Variants in PIK3R4 observed in about 807,000 individuals in gnomAD.
The protein encoded by PIK3R4 is phosphoinositide 3-kinase regulatory subunit 4.
PIK3R4 carries 46 observed loss-of-function variants against 136.5 expected under a neutral mutation model. That is an observed-to-expected ratio of 0.34 (90% CI 0.27 to 0.43). The LOEUF (loss-of-function observed/expected upper bound fraction) is 0.43, where lower values mean the gene tolerates loss of function less well. Ranked by LOEUF, PIK3R4 falls within the 20% of genes least tolerant of loss-of-function variation. The pLI, the probability that PIK3R4 is intolerant of heterozygous loss-of-function variation, is 1.00. For synonymous variants in PIK3R4, 557 were observed against 566.7 expected, an observed-to-expected ratio of 0.98 and a Z score of 0.24; for missense variants, 1,331 against 1,649.5, an observed-to-expected ratio of 0.81 and a Z score of 3.35.
At chr3:130,741,741 C>T (rs1212895517) in intron 2 of PIK3R4, among the ~76,000 whole-genome samples, 1 of 152,178 alleles carries the variant, frequency 6.6e-6, no homozygotes. Flanking sequence ...TCTCTCCCCA[C>T]TAGAATGAAA....
intron 13 of PIK3R4, 122 bp downstream of exon 13, chr3:130,703,601 T>G (rs992906505): frequency 1.5e-6 from 1 of 687,156 alleles, no homozygotes; most frequent in Admixed American, 2.5e-5. Flanking sequence ...GAAGAAGGAT[T>G]TTTGTCCATT....
rs1391305998 is a variant in PIK3R4, at chr3:130,716,607, G to T, written c.2128-8C>A. ...AACAAGTTTTCTTTCAATCTATATT[G>T]GAAAAATAAAAAGGATCAGCCAAAA... On this transcript the variant is annotated splice_region_variant and splice_polypyrimidine_tract_variant and intron_variant, in intron 8 of 19. Coordinates refer to ENST00000356763, the MANE Select transcript of PIK3R4 (RefSeq NM_014602.3). 1.3e-6 allele frequency: 2 copies of T among 1,583,114 alleles called. No homozygotes were observed. The highest frequency in any genetic ancestry group is 1.7e-6 in the Non-Finnish European group (2 of 1,162,174).
intron 2 of PIK3R4, among the ~76,000 whole-genome samples, chr3:130,737,385 AACGGTGGCTCATGCCTGTAATCCCACC>A (rs1340747554): frequency 6.6e-6 from 1 of 152,248 alleles, no homozygotes; most frequent in Admixed American, 6.5e-5. Flanking sequence ...AAAAATATTG[AACGGTGGCTCATGCCTGTAATCCCACC>A]ACTTTGGGAG....
intron 2 of PIK3R4, among the ~76,000 whole-genome samples, chr3:130,737,477 C>T (rs1017372562): frequency 2.6e-5 from 4 of 152,076 alleles, no homozygotes; most frequent in African/African-American, 7.2e-5. Context: ...CTGGCCAACA[C>T]AGTGAAACCC....
In PIK3R4 at chr3:130,708,369, T is replaced by G. The variant is rs1169104553; in HGVS notation, c.2455A>C (p.Ile819Leu). Residue 819 changes from isoleucine to leucine, a missense_variant, in exon 10 of 20, where the codon ATT (isoleucine) becomes CTT (leucine). Ile to Leu is a conservative substitution (Grantham distance 5). Coordinates refer to ENST00000356763, the MANE Select transcript of PIK3R4 (RefSeq NM_014602.3). ...GTTATGCCTAAAGCTGCCAAGTCAATTACACCTTTCTGACTACTATCATGA... is the reference window on the plus strand; with the variant it reads ...GTTATGCCTAAAGCTGCCAAGTCAAGTACACCTTTCTGACTACTATCATGA... The part of the protein sequence containing the change: ...HLHDSSQKGV[I>L]DLAALGITGR... 6.2e-7 allele frequency: 1 copy of G among 1,613,824 alleles called. No individual in the cohort carries two copies.
At chr3:130,701,351 A>T (rs1396221637) in intron 13 of PIK3R4, among the ~76,000 whole-genome samples, 5 of 152,042 alleles carry the variant, frequency 3.3e-5, no homozygotes, top group Non-Finnish European at 1.5e-5. Context: ...CTCTCTGCTA[A>T]AAAGACAAAA....
At chr3:130,681,436 G>C in intron 17 of PIK3R4, 55 bp downstream of exon 17, 1 of 1,122,844 alleles carries the variant, frequency 8.9e-7, no homozygotes, top group Non-Finnish European at 1.4e-6. Flanking sequence ...ATGCCTGAAA[G>C]TACTTAGGAT....
chr3:130,722,767 A>G lies in PIK3R4; in HGVS notation c.1981+647T>C, dbSNP rs540545993. Among the ~76,000 whole-genome samples the G allele has an allele frequency of 7.2e-5, 11 of 152,008 alleles. No homozygotes were observed. In the South Asian group the frequency reaches 2.1e-3, roughly 29 times the overall value. ...CCCACATCATGGTTTTTTTAACAAC[A>G]AAGTCTCGGCCAGGAGCGGTGGCTC... On this transcript the variant is annotated intron_variant, in intron 7 of 19. Coordinates refer to ENST00000356763, the MANE Select transcript of PIK3R4 (RefSeq NM_014602.3).
At position 130,681,534 on chromosome 3, in the gene PIK3R4, A is replaced by T; in HGVS notation, c.3665T>A (p.Phe1222Tyr). Residue 1222 changes from phenylalanine to tyrosine, a missense_variant, in exon 17 of 20, where the codon TTT becomes TAT. Around this residue, in one of 2 missense-constraint regions of PIK3R4, gnomAD observed 1,180 missense variants for 1,407.0 expected, o/e 0.84. Coordinates refer to ENST00000356763, the MANE Select transcript of PIK3R4 (RefSeq NM_014602.3). ...MWDMETGDRRFTLWASSAPPL... is the reference protein window; with the variant it reads ...MWDMETGDRRYTLWASSAPPL... ...TGGTGCACTGCTGGCCCAGAGAGTA[A>T]ATCTTCTGTCACCAGTCTCCATGTC... is the stretch of plus-strand genomic sequence containing the variant. 6.2e-7 allele frequency: 1 copy of T among 1,613,202 alleles called. No homozygotes were observed. Among genetic ancestry groups the T allele is most frequent in the Non-Finnish European group, 8.5e-7 (1 of 1,179,234 alleles).
intron 14 of PIK3R4, 33 bp downstream of exon 14, chr3:130,690,457 T>C (rs1282635836): frequency 2.6e-6 from 4 of 1,552,968 alleles, no homozygotes; most frequent in Non-Finnish European, 3.5e-6. Flanking sequence ...GTGCACTAAA[T>C]ACAATGTTTA....
intron 19 of PIK3R4, 122 bp downstream of exon 19, chr3:130,680,491 A>G: frequency 1.9e-6 from 1 of 524,508 alleles, no homozygotes; most frequent in Non-Finnish European, 3.4e-6. Context: ...ATTCAAGAAA[A>G]AATAAATTTC....
intron 2 of PIK3R4, among the ~76,000 whole-genome samples, chr3:130,738,429 A>T (rs1004419280): frequency 3.3e-5 from 5 of 152,212 alleles, no homozygotes; most frequent in African/African-American, 1.2e-4. Flanking sequence ...GTAGGGAAAA[A>T]CACCAACTGG....
intron 17 of PIK3R4, 82 bp from the exon 18 acceptor site, chr3:130,681,147 A>G: frequency 1.2e-6 from 1 of 827,600 alleles, no homozygotes; most frequent in East Asian, 2.5e-5. Flanking sequence ...AGGCAAGTTA[A>G]CTGTCAGTAG....
chr3:130,700,701 A>G (rs1250010481), intron 13 of PIK3R4, among the ~76,000 whole-genome samples: 1 of 152,244 alleles, frequency 6.6e-6, no homozygotes, highest in Non-Finnish European at 1.5e-5. Flanking sequence ...AGAATGTACT[A>G]GTAACATTTC....
chr3:130,695,352 T>G (rs966210839), intron 13 of PIK3R4, among the ~76,000 whole-genome samples: 1 of 152,168 alleles, frequency 6.6e-6, no homozygotes, highest in Non-Finnish European at 1.5e-5. Context: ...CATTAGTCTC[T>G]TCTTATCCAC....
At chr3:130,711,228 C>T (rs1050498448) in intron 9 of PIK3R4, among the ~76,000 whole-genome samples, 1 of 151,954 alleles carries the variant, frequency 6.6e-6, no homozygotes, top group African/African-American at 2.4e-5. Flanking sequence ...CACACACACG[C>T]ACGCACACAC....
At chr3:130,711,538 TG>T (rs2066632541) in intron 9 of PIK3R4, among the ~76,000 whole-genome samples, 1 of 152,204 alleles carries the variant, frequency 6.6e-6, no homozygotes, top group Non-Finnish European at 1.5e-5. Flanking sequence ...AAACTATGTA[TG>T]CATAAGGAAA....
At position 130,723,374 on chromosome 3, in the gene PIK3R4, T is replaced by C; in HGVS notation, c.1981+40A>G. On this transcript the variant is annotated intron_variant, in intron 7 of 19. Coordinates refer to ENST00000356763, the MANE Select transcript of PIK3R4 (RefSeq NM_014602.3). ...ATATTACCTAGAAATTTTATAAAGT[T>C]CTTCCAATCTCATTCTAATTTTGAG... is the stretch of plus-strand genomic sequence containing the variant. 4 of 1,529,458 alleles carry C rather than the reference T, an allele frequency of 2.6e-6. No individual in the cohort carries two copies. The South Asian group carries it at 4.9e-5, about 19-fold the overall frequency. The allele number at this position is 1,529,458 out of a possible 1,614,324, so 94.7% of individuals were successfully genotyped here.
chr3:130,686,080 A>G, intron 15 of PIK3R4, 131 bp downstream of exon 15: 1 of 633,168 alleles, frequency 1.6e-6, no homozygotes, highest in Non-Finnish European at 2.8e-6. Flanking sequence ...TTATTTTAAC[A>G]TGACTATGAA....
Sources: allele counts gnomAD v4.1 joint callset (sites outside exome capture counted in the v4.1 genomes callset), GRCh38; gene constraint gnomAD v4.1.1; regional missense constraint gnomAD v4.1.1; transcripts MANE v1.5; gene names NCBI Gene and HGNC (gene_info 2026-07-23, HGNC 2026-07-21).